Variants in NTN1 observed in about 807,000 individuals in gnomAD.
The protein encoded by NTN1 is netrin 1, also known as netrin-1.
In NTN1, 11 loss-of-function variants were observed where a neutral mutation model predicts 54.2. That is an observed-to-expected ratio of 0.20 (90% CI 0.13 to 0.34). The LOEUF (loss-of-function observed/expected upper bound fraction) is 0.34. Among genes scored for constraint, NTN1 ranks in the 10% least tolerant of loss-of-function variants. The pLI is 1.00. For synonymous variants in NTN1, 371 were observed against 382.0 expected, an observed-to-expected ratio of 0.97 and a Z score of 0.33; for missense variants, 740 against 893.1, an observed-to-expected ratio of 0.83 and a Z score of 2.18.
chr17:9,075,277 T>C (rs1381671948), intron 2 of NTN1, among the ~76,000 whole-genome samples: 1 of 152,162 alleles, frequency 6.6e-6, no homozygotes, highest in African/African-American at 2.4e-5. Flanking sequence ...GCCCAGGAGT[T>C]CGAGACTAGC....
the NTN1 span, among the ~76,000 whole-genome samples, chr17:9,013,364 G>A: frequency 6.6e-6 from 1 of 151,776 alleles, no homozygotes; most frequent in African/African-American, 2.4e-5. Context: ...TTACAGGCAT[G>A]CGCCACCACA....
chr17:9,023,347 G>A lies in NTN1; in HGVS notation c.974G>A (p.Arg325Gln), dbSNP rs780015866. 3 of 1,497,922 alleles carry A rather than the reference G, an allele frequency of 2.0e-6. No homozygotes were observed. The highest frequency in any genetic ancestry group is 2.7e-6 in the Non-Finnish European group (3 of 1,122,968). The allele number at this position is 1,497,922 out of a possible 1,614,324, so 92.8% of individuals were successfully genotyped here. A position where few individuals can be genotyped will look rare whatever the true frequency, so the allele number is the denominator to read the frequency against. Residue 325 changes from arginine (R) to glutamine (Q), a missense_variant, in exon 2 of 7, where the codon CGG (arginine) becomes CAG (glutamine). Coordinates refer to ENST00000173229, the MANE Select transcript of NTN1 (RefSeq NM_004822.3). Reference protein sequence around the residue: ...CDRCKPFHYDRPWQRATAREA... With the variant: ...CDRCKPFHYDQPWQRATAREA... Reference sequence around the variant, plus strand: ...CGCTGCAAGCCCTTCCACTACGACCGGCCCTGGCAGCGCGCCACAGCCCGC... The same window carrying A: ...CGCTGCAAGCCCTTCCACTACGACCAGCCCTGGCAGCGCGCCACAGCCCGC...
intron 5 of NTN1, among the ~76,000 whole-genome samples, chr17:9,218,784 C>G (rs1905266725): frequency 6.6e-6 from 1 of 152,188 alleles, no homozygotes; most frequent in Non-Finnish European, 1.5e-5. Flanking sequence ...AAGGCACCCC[C>G]TCTGCCACAG....
intron 6 of NTN1, among the ~76,000 whole-genome samples, chr17:9,226,778 G>A (rs59799938): frequency 0.012 from 1,817 of 152,216 alleles, 40 homozygotes; most frequent in African/African-American, 0.042. Context: ...AGGAGGCGGC[G>A]AGTGAGCGTG....
chr17:9,007,800 T>C, the NTN1 span, among the ~76,000 whole-genome samples: 1 of 151,878 alleles, frequency 6.6e-6, no homozygotes, highest in South Asian at 2.1e-4. Context: ...GGCATGATCA[T>C]GCCTCATTGT....
At chr17:9,193,920 T>TAAAAAAAAAAAAAAAAAAAAAA (rs71361871) in intron 5 of NTN1, among the ~76,000 whole-genome samples, 1 of 44,900 alleles carries the variant, frequency 2.2e-5, no homozygotes, top group Non-Finnish European at 3.8e-5. Context: ...AAACTCCGAC[T>TAAAAAAAAAAAAAAAAAAAAAA]AAAAAAAAAA....
upstream of NTN1, among the ~76,000 whole-genome samples, chr17:9,019,422 T>G (rs539111659): frequency 6.6e-6 from 1 of 152,236 alleles, no homozygotes; most frequent in East Asian, 1.9e-4. Flanking sequence ...GATTTAAAAT[T>G]TCTGTATAGA....
chr17:9,082,591 G>A (rs1396180561), intron 2 of NTN1, among the ~76,000 whole-genome samples: 1 of 152,188 alleles, frequency 6.6e-6, no homozygotes, highest in African/African-American at 2.4e-5. Context: ...GTGTGGGGCC[G>A]TGAGCAGCGC....
rs74704523 is a variant in NTN1, at chr17:9,219,165, G to A, written c.1412-2003G>A. Among the ~76,000 whole-genome samples, 30 of 152,330 alleles carry A rather than the reference G, an allele frequency of 2.0e-4. No individual in the cohort carries two copies. Among genetic ancestry groups the A allele is most frequent in the African/African-American group, 6.7e-4 (28 of 41,566 alleles). ...CAGAGCGGCTGTTCCTCACAGGGAAGTGCGGCCGCGGTGCTGATGGTGCTG... is the reference window on the plus strand; with the variant it reads ...CAGAGCGGCTGTTCCTCACAGGGAAATGCGGCCGCGGTGCTGATGGTGCTG... On this transcript the variant is annotated intron_variant, in intron 5 of 6. Transcript: ENST00000173229. The surrounding 1 kb of genome is among the most constrained non-coding windows in gnomAD (Gnocchi z 4.5).
At chr17:9,129,621 C>T (rs2092257967) in intron 2 of NTN1, among the ~76,000 whole-genome samples, 3 of 152,220 alleles carry the variant, frequency 2.0e-5, no homozygotes, top group African/African-American at 7.2e-5. Flanking sequence ...CCCTCGGCGT[C>T]TGCCTCCCCT....
intron 2 of NTN1, among the ~76,000 whole-genome samples, chr17:9,024,356 AT>A (rs1439153171): frequency 3.3e-5 from 5 of 152,256 alleles, no homozygotes; most frequent in African/African-American, 1.2e-4. Flanking sequence ...CTTTTTCAGT[AT>A]GGGAAGTAAA....
intron 2 of NTN1, among the ~76,000 whole-genome samples, chr17:9,057,026 C>T (rs918639889): frequency 1.3e-5 from 2 of 152,126 alleles, no homozygotes; most frequent in African/African-American, 4.8e-5. Context: ...AGGATTCTTT[C>T]TCCATGCAAA....
chr17:9,092,907 C>T (rs2092117243), intron 2 of NTN1, among the ~76,000 whole-genome samples: 3 of 152,174 alleles, frequency 2.0e-5, no homozygotes, highest in Non-Finnish European at 4.4e-5. Flanking sequence ...TACGGGTGCC[C>T]ACCACCACGC....
intron 2 of NTN1, among the ~76,000 whole-genome samples, chr17:9,133,421 C>A (rs527363220): frequency 5.3e-5 from 8 of 152,170 alleles, no homozygotes; most frequent in South Asian, 2.1e-4. Context: ...TGCTCCCAGG[C>A]GACTTGCTGT....
chr17:9,083,979 G>A (rs920823307), intron 2 of NTN1, among the ~76,000 whole-genome samples: 5 of 152,348 alleles, frequency 3.3e-5, no homozygotes, highest in South Asian at 2.1e-4. Flanking sequence ...GAGAGCCACC[G>A]GGCTGGGGAA....
At chr17:9,193,949 A>G (rs1904551947) in intron 5 of NTN1, among the ~76,000 whole-genome samples, 1 of 143,156 alleles carries the variant, frequency 7.0e-6, no homozygotes, top group Non-Finnish European at 1.5e-5. Context: ...AAAAAACATT[A>G]TGCAGGTTGG....
chr17:9,086,830 G>A (rs1203918553), intron 2 of NTN1, among the ~76,000 whole-genome samples: 1 of 151,938 alleles, frequency 6.6e-6, no homozygotes, highest in Non-Finnish European at 1.5e-5. Flanking sequence ...CATCGTTGCT[G>A]TCATCATCAC....
chr17:9,100,591 G>T (rs2092147287), intron 2 of NTN1, among the ~76,000 whole-genome samples: 1 of 152,166 alleles, frequency 6.6e-6, no homozygotes, highest in Non-Finnish European at 1.5e-5. Context: ...ATGAGCCACT[G>T]CGCCTGGCCT....
intron 2 of NTN1, among the ~76,000 whole-genome samples, chr17:9,162,344 G>A (rs1020001398): frequency 6.6e-6 from 1 of 152,200 alleles, no homozygotes; most frequent in African/African-American, 2.4e-5. Flanking sequence ...CAAGATCAAG[G>A]TGTTGGCAGG....
Sources: gnomAD v4.1 joint callset for allele counts (sites outside exome capture counted in the v4.1 genomes callset) on GRCh38, gnomAD v4.1.1 for gene constraint, Gnocchi (gnomAD v3.1) non-coding constraint, MANE v1.5 for transcripts, NCBI Gene and HGNC (gene_info 2026-07-23, HGNC 2026-07-21) for gene names.